ADCY7: variants seen among roughly 807,000 people sequenced by gnomAD.
ADCY7 encodes adenylate cyclase type 7.
A neutral mutation model predicts 120.6 loss-of-function variants in ADCY7; 72 were observed. The ratio of observed to expected loss-of-function variants is 0.60; its 90% CI spans 0.49 to 0.73. The LOEUF is 0.73. Ranked by LOEUF, ADCY7 falls within the 30% of genes least tolerant of loss-of-function variation. The pLI is 0.00. For synonymous variants in ADCY7, 661 were observed against 628.0 expected (o/e 1.05, Z -0.78); for missense variants, 1,227 against 1,486.0 (o/e 0.83, Z 2.87).
At position 50,288,367 on chromosome 16, in the gene ADCY7, C is replaced by T. The variant is rs772608421; in HGVS notation, c.171+17C>T. 2.3e-4 allele frequency: 354 copies of T among 1,528,308 alleles called. No individual in the cohort carries two copies. Among genetic ancestry groups the T allele is most frequent in the Non-Finnish European group, 3.1e-4 (349 of 1,131,946 alleles). 94.7% of individuals were successfully genotyped at this position (1,528,308 alleles called of 1,614,324 possible). On this transcript the variant is annotated intron_variant, in intron 2 of 25. Transcript: ENST00000673801. ...AGCCAGGGGGTGAGTGAGGGCAGCC[C>T]CTGGGCTTCACGTCTCGGCCCCAAC...
Position 50,316,736 on chromosome 16 carries a change from C to T in ADCY7, c.*1231C>T, listed in dbSNP as rs1227614066. On this transcript the variant is annotated 3_prime_UTR_variant, in exon 26 of 26. Coordinates refer to ENST00000673801, the MANE Select transcript of ADCY7 (RefSeq NM_001114.5). ...TTCAACTTCCCAAGGAATTGAAAGTCAACCTAACTGTAACAACAGGGTGAG... is the reference window on the plus strand; with the variant it reads ...TTCAACTTCCCAAGGAATTGAAAGTTAACCTAACTGTAACAACAGGGTGAG... 6.6e-6 allele frequency: 1 copy of T among 152,366 alleles called. No homozygotes were observed. Among genetic ancestry groups the T allele is most frequent in the Non-Finnish European group, 1.5e-5 (1 of 68,046 alleles). The allele number at this position is 152,366 out of a possible 1,614,324, so 9.4% of individuals were successfully genotyped here. A position where few individuals can be genotyped will look rare whatever the true frequency, so the allele number is the denominator to read the frequency against.
At chr16:50,247,049 T>TTGAATGAA (rs112588197) in intron 1 of ADCY7, among the ~76,000 whole-genome samples, 81 of 152,040 alleles carry the variant, frequency 5.3e-4, no homozygotes, top group African/African-American at 6.5e-4. Context: ...GCTCCAGAGA[T>TTGAATGAA]TGAATGAATG....
At chr16:50,304,844 G>A in intron 11 of ADCY7, 81 bp from the exon 12 acceptor site, 2 of 1,575,532 alleles carry the variant, frequency 1.3e-6, no homozygotes, top group Non-Finnish European at 1.7e-6. Flanking sequence ...AGTGCCGGAG[G>A]GGCTGAACCT....
intron 2 of ADCY7, 55 bp downstream of exon 2, chr16:50,288,405 G>C (rs531003571): frequency 6.9e-7 from 1 of 1,455,574 alleles, no homozygotes. Context: ...TGGCCAAGCT[G>C]CTATCTTCTC....
At chr16:50,314,528 A>T in intron 24 of ADCY7, 122 bp downstream of exon 24, 2 of 686,748 alleles carry the variant, frequency 2.9e-6, no homozygotes, top group Non-Finnish European at 5.0e-6. Context: ...CTCTGATCTG[A>T]CAAGCTCAGC....
rs1456659231 is a variant in ADCY7 at position 50,315,478 on chromosome 16, C to T, written c.3216C>T (p.Ala1072=). Reference sequence around the variant, plus strand: ...CTTACTTTGTCTGTACGGACACTGCCAAGTTTCAGGGGCTGGGGCTGAACT... The same window carrying T: ...CTTACTTTGTCTGTACGGACACTGCTAAGTTTCAGGGGCTGGGGCTGAACT... ...LRTYFVCTDT[A]KFQGLGLN is the part of the protein sequence containing the mutation. Residue 1072 remains alanine, a synonymous_variant, in exon 26 of 26, where the codon GCC becomes GCT. Transcript: ENST00000673801. 1 of 1,613,278 alleles carries T rather than the reference C, an allele frequency of 6.2e-7. No homozygotes were observed. The highest frequency in any genetic ancestry group is 1.3e-5 in the African/African-American group (1 of 74,916).
At chr16:50,311,813 C>CAA in intron 20 of ADCY7, 27 bp downstream of exon 20, 4 of 1,314,864 alleles carry the variant, frequency 3.0e-6, no homozygotes, top group Admixed American at 1.8e-5. Flanking sequence ...CCCCCCCCCC[C>CAA]CCAAGCTCTG....
intron 25 of ADCY7, 107 bp downstream of exon 25, chr16:50,315,245 G>A: frequency 1.9e-6 from 3 of 1,571,038 alleles, no homozygotes; most frequent in South Asian, 1.2e-5. Context: ...CATGGTTCTA[G>A]CTATCACACT....
upstream of ADCY7, among the ~76,000 whole-genome samples, chr16:50,262,195 G>T (rs953110466): frequency 6.6e-6 from 1 of 151,922 alleles, no homozygotes; most frequent in Non-Finnish European, 1.5e-5. Flanking sequence ...AGGGTAGGAA[G>T]TCCTTCTCCC....
Position 50,253,363 on chromosome 16 carries a change from G to A in ADCY7, c.-64+7160G>A, listed in dbSNP as rs139707073. Among the ~76,000 whole-genome samples the A allele has an allele frequency of 1.3e-3, 201 of 152,294 alleles. 5 individuals are homozygous for A. Among genetic ancestry groups the A allele is most frequent in the African/African-American group, 4.7e-3 (196 of 41,554 alleles). ...CCTCCTGGGTTCAGATGATTCTCCT[G>A]TCTCAGCTTCCTGAGTAGCTGGGAT... On this transcript the variant is annotated intron_variant, in intron 1 of 4. Coordinates refer to the ADCY7 transcript ENST00000564044.
chr16:50,272,046 T>G (rs1373672257), intron 1 of ADCY7, among the ~76,000 whole-genome samples: 2 of 152,168 alleles, frequency 1.3e-5, no homozygotes, highest in Non-Finnish European at 1.5e-5. Context: ...AGGTCTTTGG[T>G]GCAGGTACCC....
upstream of ADCY7, among the ~76,000 whole-genome samples, chr16:50,262,722 A>G (rs746455279): frequency 6.6e-6 from 1 of 152,178 alleles, no homozygotes; most frequent in Non-Finnish European, 1.5e-5. Context: ...TGTCCAAGTC[A>G]GTTTTGTGTC....
rs762028182 is a variant in ADCY7 at position 50,311,685 on chromosome 16, G to A, written c.2355-8G>A. On this transcript the variant is annotated splice_region_variant and splice_polypyrimidine_tract_variant and intron_variant, in intron 19 of 25. Coordinates refer to ENST00000673801, the MANE Select transcript of ADCY7 (RefSeq NM_001114.5). ...CTGGGAGTGACTTGGGCCTCCCTTC[G>A]CATTCAGTGGCACCCCTAGCTGTTC... 33 of 1,608,748 alleles carry A rather than the reference G, an allele frequency of 2.1e-5. No homozygotes were observed. In the Admixed American group the frequency reaches 3.8e-4, roughly 19 times the overall value.
intron 4 of ADCY7, 39 bp downstream of exon 4, chr16:50,291,936 G>A: frequency 6.4e-7 from 1 of 1,568,956 alleles, no homozygotes; most frequent in Non-Finnish European, 8.6e-7. Flanking sequence ...AGGTTTTGTG[G>A]TCTGGGTCTA....
Position 50,312,983 on chromosome 16 carries a change from GAA to G in ADCY7, c.2699_2700del (p.Glu900GlyfsTer10). ...CTACACAGAGTGCGATGTCAACAAA[GAA>G]GGGCTGGAGTGCCTACGCCTGCTCA... ...VFYTECDVNK[E>X]GLECLRLLNE... On this transcript the variant is annotated frameshift_variant, in exon 22 of 26. Transcript: ENST00000673801. LOFTEE classifies it high-confidence loss of function. 6.2e-7 allele frequency: 1 copy of G among 1,614,258 alleles called. No individual in the cohort carries two copies. Among genetic ancestry groups the G allele is most frequent in the Non-Finnish European group, 8.5e-7 (1 of 1,180,046 alleles).
In ADCY7 at chr16:50,309,557, C is replaced by G. The variant is rs376447880; in HGVS notation, c.2071C>G (p.Pro691Ala). 7.4e-6 allele frequency: 12 copies of G among 1,613,938 alleles called. No homozygotes were observed. Among genetic ancestry groups the G allele is most frequent in the Middle Eastern group, 1.6e-4 (1 of 6,062 alleles). Residue 691 changes from proline to alanine, a missense_variant, in exon 18 of 26, where the codon CCT (proline) becomes GCT (alanine). By Grantham distance (27) the Pro-to-Ala change is conservative (BLOSUM62 -1). Transcript: ENST00000673801. ...TVAIINLPLM[P>A]FQVPELPVGN... ...CCTGTCTCCTCTACAGCCCCTGATG[C>G]CTTTCCAAGTTCCAGAGCTGCCTGT... is the stretch of plus-strand genomic sequence containing the variant.
At chr16:50,260,791 T>A (rs1269722534) in intron 1 of ADCY7, among the ~76,000 whole-genome samples, 1 of 152,200 alleles carries the variant, frequency 6.6e-6, no homozygotes. Context: ...TCCTTGGGGC[T>A]GCTTGAGTGT....
chr16:50,246,964 G>C (rs1425360395), intron 1 of ADCY7, among the ~76,000 whole-genome samples: 1 of 152,238 alleles, frequency 6.6e-6, no homozygotes, highest in Non-Finnish European at 1.5e-5. Flanking sequence ...GTGGACAGAA[G>C]TAGAGCCCTT....
chr16:50,308,508 G>A, intron 16 of ADCY7, 97 bp downstream of exon 16: 2 of 1,581,882 alleles, frequency 1.3e-6, no homozygotes, highest in East Asian at 2.2e-5. Context: ...CTGAGCCCCT[G>A]CTCTGGTCAA....
Sources: allele counts gnomAD v4.1 joint callset (sites outside exome capture counted in the v4.1 genomes callset), GRCh38; gene constraint gnomAD v4.1.1; transcripts MANE v1.5; gene names NCBI Gene and HGNC (gene_info 2026-07-23, HGNC 2026-07-21).